LRRFIP2: variants seen among roughly 807,000 people sequenced by gnomAD.
LRRFIP2 encodes the protein LRR binding FLII interacting protein 2.
Under a neutral mutation model 125.9 loss-of-function variants are expected in LRRFIP2, and 109 were observed. That is an observed-to-expected ratio of 0.87 (90% confidence interval 0.74 to 1.01). LRRFIP2 has a LOEUF of 1.01. LRRFIP2 is among the 50% of genes least tolerant of loss of function. The probability of loss-of-function intolerance (pLI) is 0.00; values close to 1 mark genes in which losing one functional copy is unlikely to be tolerated. For missense variants in LRRFIP2, 850 were observed against 862.3 expected (o/e 0.99, Z 0.18); for synonymous variants, 291 against 293.1 (o/e 0.99, Z 0.07).
At chr3:37,139,625 T>C (rs1190568075) in intron 2 of LRRFIP2, among the ~76,000 whole-genome samples, 1 of 152,010 alleles carries the variant, frequency 6.6e-6, no homozygotes, top group East Asian at 1.9e-4. Context: ...TTGTTGAAAG[T>C]CAAACCCTCC....
chr3:37,175,163 C>A (rs960963738), upstream of LRRFIP2: 2 of 152,054 alleles, frequency 1.3e-5, no homozygotes, highest in South Asian at 2.1e-4. Flanking sequence ...ACATCCATAC[C>A]CCGCTCTCCT....
In LRRFIP2 at chr3:37,062,010, C is replaced by T. The variant is rs564938148; in HGVS notation, c.1749+1732G>A. Among the ~76,000 whole-genome samples the T allele has an allele frequency of 1.2e-4, 18 of 152,238 alleles. No homozygotes were observed. The East Asian group carries it at 3.5e-3, about 29-fold the overall frequency. ...CTTTCTACTATACCTTGATGTGTTCCTGAATATCTCCCGAATCCTCTTCAT... is the reference window on the plus strand; with the variant it reads ...CTTTCTACTATACCTTGATGTGTTCTTGAATATCTCCCGAATCCTCTTCAT... On this transcript the variant is annotated intron_variant, in intron 24 of 27. Transcript: ENST00000336686.
At chr3:37,137,073 T>C (rs969867651) in intron 2 of LRRFIP2, among the ~76,000 whole-genome samples, 2 of 151,734 alleles carry the variant, frequency 1.3e-5, no homozygotes, top group African/African-American at 4.8e-5. Flanking sequence ...GCTCAAGTGA[T>C]CTTTCCCATC....
At chr3:37,090,857 G>C (rs1026258110) in intron 18 of LRRFIP2, among the ~76,000 whole-genome samples, 2 of 152,082 alleles carry the variant, frequency 1.3e-5, no homozygotes, top group African/African-American at 2.4e-5. Flanking sequence ...CCTTCCTCCA[G>C]GGGGGATATT....
At position 37,126,141 on chromosome 3, in the gene LRRFIP2, G is replaced by C. The variant is rs1307301749; in HGVS notation, c.228+1489C>G. ...CCTCCCAGGTTCAAGCGATTCTCCT[G>C]CCTCAGCCTCCCTGAGTAGCTGGGA... is the stretch of plus-strand genomic sequence containing the variant. On this transcript the variant is annotated intron_variant, in intron 4 of 27. Coordinates refer to ENST00000336686, the MANE Select transcript of LRRFIP2 (RefSeq NM_006309.4). Among the ~76,000 whole-genome samples the C allele has an allele frequency of 3.3e-5, 5 of 152,220 alleles. No individual in the cohort carries two copies. The East Asian group carries it at 9.7e-4, about 30-fold the overall frequency.
chr3:37,066,492 A>G, intron 21 of LRRFIP2, 167 bp from the exon 22 acceptor site: 1 of 605,312 alleles, frequency 1.7e-6, no homozygotes, highest in East Asian at 2.8e-5. Flanking sequence ...ATACAGAGTT[A>G]CATGGATATA....
chr3:37,092,676 C>T (rs1027784064), intron 17 of LRRFIP2, among the ~76,000 whole-genome samples: 22 of 152,192 alleles, frequency 1.4e-4, no homozygotes, highest in African/African-American at 5.3e-4. Context: ...ATGTCTGGTA[C>T]ATAGTAAGAG....
intron 8 of LRRFIP2, 22 bp downstream of exon 8, chr3:37,112,893 T>A (rs527315227): frequency 7.1e-7 from 1 of 1,417,862 alleles, no homozygotes; most frequent in Admixed American, 1.7e-5. Flanking sequence ...TGAATTGTGA[T>A]ATGAGAGACA....
intron 1 of LRRFIP2, 117 bp downstream of exon 1, chr3:37,174,422 A>G (rs1465991521): frequency 6.6e-6 from 1 of 152,232 alleles, no homozygotes; most frequent in Non-Finnish European, 1.5e-5. Flanking sequence ...ACAGAACTTA[A>G]TAACTCATGT....
chr3:37,085,901 C>T (rs920739127), intron 18 of LRRFIP2, among the ~76,000 whole-genome samples: 2 of 151,978 alleles, frequency 1.3e-5, no homozygotes, highest in African/African-American at 4.8e-5. Flanking sequence ...AACCTTTATG[C>T]TGCAAATGAT....
At chr3:37,079,455 T>C (rs2092432282) in intron 19 of LRRFIP2, among the ~76,000 whole-genome samples, 1 of 152,148 alleles carries the variant, frequency 6.6e-6, no homozygotes, top group African/African-American at 2.4e-5. Context: ...GGAAAGCATA[T>C]ATCCAGACCA....
At chr3:37,160,120 T>C (rs374951) in intron 1 of LRRFIP2, among the ~76,000 whole-genome samples, 31,094 of 151,030 alleles carry the variant, frequency 0.21, 3,981 homozygotes, top group South Asian at 0.35. Flanking sequence ...TTCTCCAGGA[T>C]ACCAGAAGTT....
At chr3:37,077,713 A>G (rs910991036) in intron 19 of LRRFIP2, among the ~76,000 whole-genome samples, 2 of 152,200 alleles carry the variant, frequency 1.3e-5, no homozygotes, top group African/African-American at 4.8e-5. Flanking sequence ...ATTGTAAAAC[A>G]AAATTAAATT....
intron 6 of LRRFIP2, among the ~76,000 whole-genome samples, chr3:37,120,470 T>C (rs1363702445): frequency 6.6e-6 from 1 of 152,160 alleles, no homozygotes; most frequent in Admixed American, 6.5e-5. Flanking sequence ...GCTTAGTAAC[T>C]TACTCTAAAA....
rs971331638 is a variant in LRRFIP2 at position 37,113,074 on chromosome 3, A to G, written c.373-94T>C. Reference sequence around the variant, plus strand: ...CTTCAAATTATATACACAAAGGTCTATATGAGATACACAATAGTTTACATG... The same window carrying G: ...CTTCAAATTATATACACAAAGGTCTGTATGAGATACACAATAGTTTACATG... On this transcript the variant is annotated intron_variant, in intron 7 of 27. Transcript: ENST00000336686. The G allele has an allele frequency of 2.4e-5, 16 of 667,030 alleles. No homozygotes were observed. The African/African-American group carries it at 2.8e-4, about 12-fold the overall frequency. The allele number at this position is 667,030 out of a possible 1,614,324, so 41.3% of individuals were successfully genotyped here.
In LRRFIP2 at chr3:37,083,644, TTTC is replaced by T. The variant is rs756096919; in HGVS notation, c.1267_1269del (p.Glu423del). ...TACAAGATAAGCATTACCTTTGATT[TTTC>T]TTCATTTTCTCTATAAAATTCTGCC... On this transcript the variant is annotated inframe_deletion, in exon 19 of 28. Transcript: ENST00000336686. The T allele has an allele frequency of 9.0e-6, 14 of 1,557,196 alleles. No individual in the cohort carries two copies. The highest frequency in any genetic ancestry group is 2.2e-5 in the Admixed American group (1 of 44,774).
intron 17 of LRRFIP2, among the ~76,000 whole-genome samples, chr3:37,093,623 T>A (rs189839827): frequency 1.3e-5 from 2 of 152,328 alleles, no homozygotes; most frequent in East Asian, 3.9e-4. Context: ...ACTTCTGGCC[T>A]GCAATGCTTC....
chr3:37,170,327 G>A (rs1283439733), intron 1 of LRRFIP2: 1 of 152,208 alleles, frequency 6.6e-6, no homozygotes, highest in Non-Finnish European at 1.5e-5. Context: ...GGAACACTAA[G>A]TTCTTTCAAC....
chr3:37,117,967 A>AAATT (rs2094869592), intron 6 of LRRFIP2, among the ~76,000 whole-genome samples: 1 of 152,226 alleles, frequency 6.6e-6, no homozygotes, highest in Non-Finnish European at 1.5e-5. Context: ...GTATATTTTA[A>AAATT]AAATTAAATT....
Sources: gnomAD v4.1 joint callset for allele counts (sites outside exome capture counted in the v4.1 genomes callset) on GRCh38, gnomAD v4.1.1 for gene constraint, MANE v1.5 for transcripts, NCBI Gene and HGNC (gene_info 2026-07-23, HGNC 2026-07-21) for gene names.